PLCB4: variants seen among roughly 807,000 people sequenced by gnomAD.
The protein encoded by PLCB4 is phospholipase C beta 4.
PLCB4 carries 77 observed loss-of-function variants against 178.8 expected under a neutral mutation model. The observed-to-expected ratio is 0.43, with a 90% CI of 0.36 to 0.52. The LOEUF (loss-of-function observed/expected upper bound fraction) is 0.52. Among genes scored for constraint, PLCB4 ranks in the 20% least tolerant of loss-of-function variants. The probability of loss-of-function intolerance (pLI) is 0.00; values close to 1 mark genes in which losing one functional copy is unlikely to be tolerated. For missense variants in PLCB4, 1,024 were observed against 1,453.4 expected (o/e 0.70, Z 4.80); for synonymous variants, 496 against 490.8 (o/e 1.01, Z -0.14).
intron 32 of PLCB4, among the ~76,000 whole-genome samples, chr20:9,445,806 G>T (rs1333455865): frequency 6.6e-6 from 1 of 152,310 alleles, no homozygotes; most frequent in African/African-American, 2.4e-5. Context: ...AACAGAAAAA[G>T]AGTAAGAATG....
At chr20:9,252,764 A>G (rs2094194581) in intron 3 of PLCB4, among the ~76,000 whole-genome samples, 1 of 152,198 alleles carries the variant, frequency 6.6e-6, no homozygotes, top group Non-Finnish European at 1.5e-5. Flanking sequence ...AGAAAAGCAG[A>G]GGAAGGGTGT....
At chr20:9,327,282 A>T (rs528425201) in intron 4 of PLCB4, among the ~76,000 whole-genome samples, 3 of 133,230 alleles carry the variant, frequency 2.3e-5, no homozygotes, top group East Asian at 3.9e-4. Flanking sequence ...CTACAAAAAA[A>T]AATTTTTTTT....
At chr20:9,138,481 A>G (rs549484315) in intron 2 of PLCB4, among the ~76,000 whole-genome samples, 1 of 152,218 alleles carries the variant, frequency 6.6e-6, no homozygotes, top group African/African-American at 2.4e-5. Flanking sequence ...ATTCAGGAGC[A>G]TCTCAAAACA....
At chr20:9,120,106 C>T (rs951383029) in intron 2 of PLCB4, among the ~76,000 whole-genome samples, 7 of 152,180 alleles carry the variant, frequency 4.6e-5, no homozygotes, top group Non-Finnish European at 8.8e-5. Context: ...GTGGGCACTG[C>T]TCTAAGAAGG....
chr20:9,453,498 A>T, intron 33 of PLCB4, 36 bp downstream of exon 33: 1 of 1,255,328 alleles, frequency 8.0e-7, no homozygotes, highest in Non-Finnish European at 1.2e-6. Flanking sequence ...GACTTTCTCT[A>T]TGTTTATATT....
chr20:9,258,899 G>C (rs1369937512), intron 3 of PLCB4, among the ~76,000 whole-genome samples: 2 of 151,944 alleles, frequency 1.3e-5, no homozygotes, highest in African/African-American at 4.8e-5. Context: ...GATCACCCCA[G>C]ATCATTCCTA....
chr20:9,396,089 C>A (rs1000687612), intron 19 of PLCB4, among the ~76,000 whole-genome samples: 1 of 152,202 alleles, frequency 6.6e-6, no homozygotes, highest in Non-Finnish European at 1.5e-5. Flanking sequence ...TTGCCAAACA[C>A]TTCCCATTTT....
At chr20:9,268,537 C>G (rs2145267) in intron 3 of PLCB4, among the ~76,000 whole-genome samples, 37,152 of 152,024 alleles carry the variant, frequency 0.24, 4,916 homozygotes, top group East Asian at 0.37. Context: ...AGGTCATAGC[C>G]CAAGTCACAA....
chr20:9,259,279 C>G (rs1270990400), intron 3 of PLCB4, among the ~76,000 whole-genome samples: 1 of 152,192 alleles, frequency 6.6e-6, no homozygotes, highest in African/African-American at 2.4e-5. Flanking sequence ...ATACTTACCA[C>G]TTGTTTCTGC....
In PLCB4 at chr20:9,476,728, C is replaced by T; in HGVS notation, c.3507C>T (p.Ser1169=). 8 of 1,609,406 alleles carry T rather than the reference C, an allele frequency of 5.0e-6. No individual in the cohort carries two copies. Among genetic ancestry groups the T allele is most frequent in the Non-Finnish European group, 6.8e-6 (8 of 1,176,022 alleles). Residue 1169 remains serine (S), a synonymous_variant, in exon 39 of 40, where the codon TCC becomes TCT. Transcript: ENST00000378473. ...LEKQNEQLLK[S]CHAVSQTQGE... ...TTTTGTACAAACAGCTTTTGAAATCCTGTCATGCAGTGTCCCAAACGCAAG... is the reference window on the plus strand; with the variant it reads ...TTTTGTACAAACAGCTTTTGAAATCTTGTCATGCAGTGTCCCAAACGCAAG...
intron 2 of PLCB4, among the ~76,000 whole-genome samples, chr20:9,149,688 ACT>A (rs1303594823): frequency 6.6e-6 from 1 of 151,472 alleles, no homozygotes; most frequent in African/African-American, 2.5e-5. Flanking sequence ...TGGCTATGTG[ACT>A]CTGGGCAAGT....
At chr20:9,283,259 G>A (rs1180716376) in intron 3 of PLCB4, among the ~76,000 whole-genome samples, 3 of 151,954 alleles carry the variant, frequency 2.0e-5, no homozygotes, top group Non-Finnish European at 2.9e-5. Flanking sequence ...TGCAAAGGAG[G>A]ATGACAAATA....
intron 2 of PLCB4, among the ~76,000 whole-genome samples, chr20:9,151,473 G>A (rs2092689933): frequency 6.6e-6 from 1 of 152,182 alleles, no homozygotes; most frequent in Middle Eastern, 3.4e-3. Flanking sequence ...GGTCTTTGCT[G>A]TGTTATTCTC....
intron 3 of PLCB4, among the ~76,000 whole-genome samples, chr20:9,256,261 C>T (rs960371263): frequency 1.3e-5 from 2 of 152,152 alleles, no homozygotes; most frequent in African/African-American, 4.8e-5. Flanking sequence ...GTGATTCCCT[C>T]AGGGATCCAG....
At chr20:9,204,045 C>T (rs1173594979) in intron 2 of PLCB4, among the ~76,000 whole-genome samples, 2 of 151,684 alleles carry the variant, frequency 1.3e-5, no homozygotes, top group Admixed American at 6.6e-5. Flanking sequence ...CCCACAGTTG[C>T]GTGGCTCTGA....
At chr20:9,248,784 C>T (rs1010634532) in intron 3 of PLCB4, among the ~76,000 whole-genome samples, 2 of 152,100 alleles carry the variant, frequency 1.3e-5, no homozygotes, top group Admixed American at 1.3e-4. Flanking sequence ...TTCTCTCATC[C>T]CCTGCATTAA....
At chr20:9,296,558 C>T (rs1433116595) in intron 3 of PLCB4, among the ~76,000 whole-genome samples, 2 of 151,972 alleles carry the variant, frequency 1.3e-5, no homozygotes, top group Admixed American at 6.6e-5. Context: ...CACATGCACA[C>T]GTATGTTTAT....
chr20:9,411,640 C>A (rs959164504), intron 25 of PLCB4, among the ~76,000 whole-genome samples: 1 of 151,212 alleles, frequency 6.6e-6, no homozygotes, highest in Non-Finnish European at 1.5e-5. Flanking sequence ...AACTGTGAAC[C>A]AAGAAGTGAA....
chr20:9,339,023 C>A lies in PLCB4; in HGVS notation c.355C>A (p.Pro119Thr), dbSNP rs763600240. Residue 119 changes from proline (P) to threonine (T), a missense_variant, in exon 7 of 40, where the codon CCA (proline) becomes ACA (threonine). This residue lies in a region of PLCB4 where 225 missense variants were observed against 291.0 expected (regional missense o/e 0.77). Transcript: ENST00000378473. ...ISFTYMVAEN[P>T]EVTKQWVEGL... The stretch of plus-strand genomic sequence containing the variant: ...TTTTACCTACATGGTGGCTGAAAAT[C>A]CAGAAGTAACTAAGGTAGCTTCAGT... The A allele has an allele frequency of 2.5e-6, 4 of 1,612,778 alleles. No individual in the cohort carries two copies. In the South Asian group the frequency reaches 4.4e-5, roughly 18 times the overall value.
Sources: gnomAD v4.1 joint callset for allele counts (sites outside exome capture counted in the v4.1 genomes callset) on GRCh38, gnomAD v4.1.1 for gene constraint, gnomAD v4.1.1 regional missense constraint, MANE v1.5 for transcripts, NCBI Gene and HGNC (gene_info 2026-07-23, HGNC 2026-07-21) for gene names.